Variants in KAZN observed in about 807,000 individuals in gnomAD.
KAZN encodes kazrin.
A neutral mutation model predicts 87.4 loss-of-function variants in KAZN; 40 were observed. The observed-to-expected ratio is 0.46, with a 90% confidence interval of 0.36 to 0.60. The LOEUF (loss-of-function observed/expected upper bound fraction) is 0.60. Among genes scored for constraint, KAZN ranks in the 20% least tolerant of loss-of-function variants. The pLI is 0.00. For missense variants in KAZN, 898 were observed against 1,073.9 expected (o/e 0.84, Z 2.29); for synonymous variants, 466 against 458.3 (o/e 1.02, Z -0.22).
rs1641835005 is a variant in KAZN at position 15,116,148 on chromosome 1, G to A, written c.*1513G>A. 6.6e-6 allele frequency: 1 copy of A among 152,130 alleles called. No individual in the cohort carries two copies. The highest frequency in any genetic ancestry group is 1.5e-5 in the Non-Finnish European group (1 of 68,030). The allele number at this position is 152,130 out of a possible 1,614,324, so 9.4% of individuals were successfully genotyped here. A position where few individuals can be genotyped will look rare whatever the true frequency, so the allele number is the denominator to read the frequency against. On this transcript the variant is annotated 3_prime_UTR_variant, in exon 15 of 15. Coordinates refer to ENST00000376030, the MANE Select transcript of KAZN (RefSeq NM_201628.3). ...TGCATTGCGATTCTGCTTACACATC[G>A]GGTTATCAAAGCGAGTCACTTGTTG...
At chr1:14,760,098 C>CGT (rs974187649) in intron 1 of KAZN, among the ~76,000 whole-genome samples, 4 of 152,132 alleles carry the variant, frequency 2.6e-5, no homozygotes, top group African/African-American at 7.2e-5. Flanking sequence ...GTAACTTACA[C>CGT]TCCAAGTTGG....
chr1:14,049,757 C>T (rs1039265861), intron 1 of KAZN, among the ~76,000 whole-genome samples: 3 of 152,174 alleles, frequency 2.0e-5, no homozygotes, highest in Admixed American at 6.5e-5. Context: ...CACAGAGCTC[C>T]GTCTGGCACT....
rs1345328951 is a variant in KAZN at position 14,617,251 on chromosome 1, G to A, written c.226+18028G>A. 5.9e-5 allele frequency among the ~76,000 whole-genome samples: 9 copies of A among 152,148 alleles called. No homozygotes were observed. In the East Asian group the frequency reaches 1.2e-3, roughly 20 times the overall value. ...AGACTACCACAATAAAGCAAATATC[G>A]AAATAAAGTGAGTCACACAAATTTT... On this transcript the variant is annotated intron_variant, in intron 1 of 14. Coordinates refer to ENST00000376030, the MANE Select transcript of KAZN (RefSeq NM_201628.3).
chr1:14,045,518 C>T (rs1361703354), intron 1 of KAZN, among the ~76,000 whole-genome samples: 3 of 152,168 alleles, frequency 2.0e-5, no homozygotes, highest in African/African-American at 7.2e-5. Context: ...AGAGCAGTGA[C>T]TGGTCCATAG....
intron 2 of KAZN, among the ~76,000 whole-genome samples, chr1:14,511,435 T>G (rs1386244675): frequency 1.3e-5 from 2 of 152,162 alleles, no homozygotes; most frequent in African/African-American, 4.8e-5. Flanking sequence ...GGGGAAAGAA[T>G]TTAGGGAACA....
intron 1 of KAZN, among the ~76,000 whole-genome samples, chr1:14,897,527 TTAAA>T (rs1655402124): frequency 6.6e-6 from 1 of 152,190 alleles, no homozygotes. Flanking sequence ...ATGTAAAAGA[TTAAA>T]TATTTATTCA....
chr1:14,544,610 A>G (rs1250807094), intron 2 of KAZN, among the ~76,000 whole-genome samples: 3 of 151,878 alleles, frequency 2.0e-5, no homozygotes, highest in Non-Finnish European at 4.4e-5. Context: ...TCTTTGTGCC[A>G]GAGGTGGTAT....
At chr1:13,915,524 C>T (rs1247896994) in intron 1 of KAZN, among the ~76,000 whole-genome samples, 4 of 152,218 alleles carry the variant, frequency 2.6e-5, no homozygotes, top group Admixed American at 6.5e-5. Context: ...GAGTCCTGCC[C>T]TCTCCATGCC....
chr1:14,733,153 C>G (rs1036930244), intron 1 of KAZN, among the ~76,000 whole-genome samples: 21 of 151,978 alleles, frequency 1.4e-4, no homozygotes, highest in Admixed American at 5.9e-4. Flanking sequence ...GATTTCAGCC[C>G]CAGACTTTCT....
At chr1:15,100,434 G>T (rs1474774972) in intron 10 of KAZN, among the ~76,000 whole-genome samples, 2 of 152,096 alleles carry the variant, frequency 1.3e-5, no homozygotes, top group African/African-American at 4.8e-5. Flanking sequence ...ATGGCTTCGT[G>T]GCCCCCTGCA....
intron 1 of KAZN, among the ~76,000 whole-genome samples, chr1:14,040,374 G>C (rs1032548965): frequency 6.6e-6 from 1 of 152,150 alleles, no homozygotes; most frequent in Non-Finnish European, 1.5e-5. Flanking sequence ...GTGGCCAGGA[G>C]TGCTGTGGGA....
chr1:14,319,040 T>TTATG (rs1416434711), intron 2 of KAZN, among the ~76,000 whole-genome samples: 2 of 149,310 alleles, frequency 1.3e-5, no homozygotes, highest in Non-Finnish European at 3.0e-5. Flanking sequence ...ATTTATTTAT[T>TTATG]TATTTATTTA....
At position 14,945,295 on chromosome 1, in the gene KAZN, G is replaced by C. The variant is rs896441396; in HGVS notation, c.227-15389G>C. Among the ~76,000 whole-genome samples, 3 of 152,328 alleles carry C rather than the reference G, an allele frequency of 2.0e-5. No individual in the cohort carries two copies. The South Asian group carries it at 6.2e-4, about 32-fold the overall frequency. On this transcript the variant is annotated intron_variant, in intron 1 of 14. Transcript: ENST00000376030. The stretch of plus-strand genomic sequence containing the variant: ...CCAGTCCTGGTCTTTCTCAGCCCAA[G>C]GTAATTTTTCAATTAACTCAATTGG...
intron 8 of KAZN, among the ~76,000 whole-genome samples, chr1:15,070,533 A>G (rs10927665): frequency 0.085 from 12,948 of 152,264 alleles, 1,752 homozygotes; most frequent in African/African-American, 0.29. Flanking sequence ...CCGCCACAGC[A>G]TGAGCCTGCG....
At chr1:13,917,507 TAA>T (rs1352712505) in intron 1 of KAZN, among the ~76,000 whole-genome samples, 2 of 152,180 alleles carry the variant, frequency 1.3e-5, no homozygotes, top group African/African-American at 4.8e-5. Flanking sequence ...AGAATTATAC[TAA>T]ATACGGCTGG....
At chr1:14,569,384 G>A (rs553591322) in intron 2 of KAZN, among the ~76,000 whole-genome samples, 20 of 141,322 alleles carry the variant, frequency 1.4e-4, no homozygotes, top group African/African-American at 5.1e-4. Flanking sequence ...GTGCAGTGGC[G>A]AGATCTCGGC....
chr1:14,822,962 G>A (rs528846445), intron 1 of KAZN, among the ~76,000 whole-genome samples: 1 of 152,192 alleles, frequency 6.6e-6, no homozygotes, highest in Non-Finnish European at 1.5e-5. Context: ...GATCACTGGC[G>A]AGGTAAAGGG....
At chr1:15,084,128 T>C (rs1640137881) in intron 8 of KAZN, among the ~76,000 whole-genome samples, 1 of 152,220 alleles carries the variant, frequency 6.6e-6, no homozygotes, top group Admixed American at 6.5e-5. Flanking sequence ...AGGGAAGGGC[T>C]GAGCTGGGGG....
intron 1 of KAZN, among the ~76,000 whole-genome samples, chr1:14,141,494 TA>T (rs35582496): frequency 0.24 from 36,054 of 149,734 alleles, 5,198 homozygotes; most frequent in African/African-American, 0.41. Flanking sequence ...TTTACAGTAA[TA>T]AAAAAAAAAT....
Sources: allele counts gnomAD v4.1 joint callset (sites outside exome capture counted in the v4.1 genomes callset), GRCh38; gene constraint gnomAD v4.1.1; transcripts MANE v1.5; gene names NCBI Gene and HGNC (gene_info 2026-07-23, HGNC 2026-07-21).